Variants in ASCC3 observed in about 807,000 individuals in gnomAD.
ASCC3 encodes activating signal cointegrator 1 complex subunit 3, also known as ASC-1 complex subunit P200.
Under a neutral mutation model 256.3 loss-of-function variants are expected in ASCC3, and 158 were observed. The ratio of observed to expected loss-of-function variants is 0.62; its 90% confidence interval spans 0.54 to 0.70. The LOEUF (loss-of-function observed/expected upper bound fraction) is 0.70, where lower values mean the gene tolerates loss of function less well. ASCC3 is among the 30% of genes least tolerant of loss of function. The probability of loss-of-function intolerance (pLI) is 0.00; values close to 1 mark genes in which losing one functional copy is unlikely to be tolerated. For missense variants in ASCC3, 2,259 were observed against 2,626.0 expected (o/e 0.86, Z 3.05); for synonymous variants, 948 against 883.4 (o/e 1.07, Z -1.30).
At chr6:100,702,481 C>G (rs1778399505) in intron 13 of ASCC3, among the ~76,000 whole-genome samples, 1 of 152,086 alleles carries the variant, frequency 6.6e-6, no homozygotes, top group Non-Finnish European at 1.5e-5. Flanking sequence ...CACACAGGAT[C>G]ATATGGATCC....
intron 13 of ASCC3, among the ~76,000 whole-genome samples, chr6:100,691,028 T>A (rs1305167363): frequency 6.6e-6 from 1 of 152,072 alleles, no homozygotes; most frequent in Non-Finnish European, 1.5e-5. Context: ...TATATTTTAT[T>A]AAAAGAAATC....
At chr6:100,596,606 TCTG>T (rs1345953076) in intron 34 of ASCC3, among the ~76,000 whole-genome samples, 2 of 152,218 alleles carry the variant, frequency 1.3e-5, no homozygotes, top group Admixed American at 6.5e-5. Context: ...TGATTTTAAT[TCTG>T]CTGCTGCTGT....
intron 27 of ASCC3, 103 bp from the exon 28 acceptor site, chr6:100,628,090 A>G (rs1774334616): frequency 6.5e-6 from 8 of 1,226,552 alleles, no homozygotes; most frequent in South Asian, 2.8e-5. Flanking sequence ...AAAAACAAAA[A>G]CAAAAAAAAA....
At chr6:100,722,702 G>A (rs1313098768) in intron 11 of ASCC3, among the ~76,000 whole-genome samples, 1 of 151,638 alleles carries the variant, frequency 6.6e-6, no homozygotes, top group Non-Finnish European at 1.5e-5. Flanking sequence ...ACACAAATGG[G>A]ATTGTGCTAC....
intron 11 of ASCC3, among the ~76,000 whole-genome samples, 183 bp downstream of exon 11, chr6:100,725,356 T>A (rs970362826): frequency 1.3e-5 from 2 of 151,958 alleles, no homozygotes; most frequent in African/African-American, 4.8e-5. Flanking sequence ...TTTGGGCTAT[T>A]TATGAATAGC....
At chr6:100,754,013 T>C (rs1781061418) in intron 10 of ASCC3, among the ~76,000 whole-genome samples, 1 of 152,150 alleles carries the variant, frequency 6.6e-6, no homozygotes, top group African/African-American at 2.4e-5. Context: ...ATGACTAAAT[T>C]CAAATTCCTA....
intron 30 of ASCC3, among the ~76,000 whole-genome samples, chr6:100,617,418 C>T (rs1418277805): frequency 6.6e-6 from 1 of 152,138 alleles, no homozygotes; most frequent in Non-Finnish European, 1.5e-5. Context: ...CACTATTTTC[C>T]TTGAAATATG....
intron 3 of ASCC3, chr6:100,857,881 T>TACACACACACACAC (rs34597123): frequency 6.7e-6 from 1 of 148,980 alleles, no homozygotes; most frequent in African/African-American, 2.5e-5. Context: ...CATGCACACA[T>TACACACACACACAC]ACACACACAC....
intron 36 of ASCC3, among the ~76,000 whole-genome samples, chr6:100,575,687 T>A (rs1157591422): frequency 6.6e-6 from 1 of 152,104 alleles, no homozygotes; most frequent in Non-Finnish European, 1.5e-5. Flanking sequence ...CATGTTGTCA[T>A]AAGAACCATA....
intron 4 of ASCC3, among the ~76,000 whole-genome samples, chr6:100,833,219 A>G (rs964950671): frequency 1.9e-4 from 29 of 152,158 alleles, no homozygotes; most frequent in African/African-American, 6.8e-4. Context: ...GCAACATACT[A>G]TATGATTTCA....
chr6:100,849,425 T>C (rs705596), intron 3 of ASCC3, among the ~76,000 whole-genome samples: 33 of 152,032 alleles, frequency 2.2e-4, no homozygotes, highest in African/African-American at 7.5e-4. Flanking sequence ...AAACCTCAAA[T>C]ATCTATAATT....
chr6:100,785,051 G>T (rs1782625961), intron 8 of ASCC3, among the ~76,000 whole-genome samples: 1 of 152,028 alleles, frequency 6.6e-6, no homozygotes, highest in East Asian at 1.9e-4. Context: ...TAAGAGATAT[G>T]AAAGACAGTA....
chr6:100,675,624 T>A (rs1191621499), intron 14 of ASCC3, among the ~76,000 whole-genome samples: 1 of 152,212 alleles, frequency 6.6e-6, no homozygotes, highest in Non-Finnish European at 1.5e-5. Flanking sequence ...AGCTTGAGGA[T>A]ACGTATTACT....
chr6:100,513,865 T>C (rs531364403), intron 39 of ASCC3, among the ~76,000 whole-genome samples: 137 of 151,518 alleles, frequency 9.0e-4, no homozygotes, highest in African/African-American at 3.1e-3. Flanking sequence ...TATACACTTA[T>C]ATGGCAATAT....
chr6:100,671,138 T>G (rs1322100760), intron 14 of ASCC3, among the ~76,000 whole-genome samples: 1 of 152,074 alleles, frequency 6.6e-6, no homozygotes, highest in African/African-American at 2.4e-5. Flanking sequence ...ACACAATGGT[T>G]GTTGTACAAA....
At chr6:100,662,595 A>G (rs1776281067) in intron 14 of ASCC3, 59 bp from the exon 15 acceptor site, 1 of 1,528,638 alleles carries the variant, frequency 6.5e-7, no homozygotes, top group Admixed American at 1.7e-5. Context: ...TGTTTTTAGC[A>G]TTTCTGTTGT....
intron 36 of ASCC3, among the ~76,000 whole-genome samples, chr6:100,564,929 A>C (rs1770154245): frequency 6.6e-6 from 1 of 152,302 alleles, no homozygotes; most frequent in South Asian, 2.1e-4. Flanking sequence ...TAAAAACTAA[A>C]ATGAAGTAAT....
intron 36 of ASCC3, among the ~76,000 whole-genome samples, chr6:100,586,746 T>A (rs1009579932): frequency 2.0e-5 from 3 of 152,076 alleles, no homozygotes; most frequent in Non-Finnish European, 4.4e-5. Context: ...CTACATCAGA[T>A]CCTAAAAATC....
At chr6:100,827,848 T>G (rs767782148) in intron 4 of ASCC3, among the ~76,000 whole-genome samples, 8 of 152,024 alleles carry the variant, frequency 5.3e-5, no homozygotes, top group Non-Finnish European at 1.2e-4. Context: ...ACTTTGTGTC[T>G]ACTAAGCATA....
Sources: allele counts gnomAD v4.1 joint callset (sites outside exome capture counted in the v4.1 genomes callset), GRCh38; gene constraint gnomAD v4.1.1; transcripts MANE v1.5; gene names NCBI Gene and HGNC (gene_info 2026-07-23, HGNC 2026-07-21).